Variants in CLVS2 observed in about 807,000 individuals in gnomAD.
CLVS2 encodes clavesin-2.
In CLVS2, 19 loss-of-function variants were observed where a neutral mutation model predicts 29.0. The ratio of observed to expected loss-of-function variants is 0.66; its 90% CI spans 0.46 to 0.96. The LOEUF is 0.96. Among genes scored for constraint, CLVS2 ranks in the 40% least tolerant of loss-of-function variants. CLVS2 has a pLI of 0.00. For synonymous variants in CLVS2, 161 were observed against 151.3 expected (o/e 1.06, Z -0.47); for missense variants, 294 against 404.1 (o/e 0.73, Z 2.34).
rs563274255 is a variant in CLVS2, at chr6:123,072,167, C to G, written c.*8406C>G. 3.3e-5 allele frequency: 5 copies of G among 152,112 alleles called. No individual in the cohort carries two copies. Among genetic ancestry groups the G allele is most frequent in the African/African-American group, 1.2e-4 (5 of 41,530 alleles). 9.4% of individuals were successfully genotyped at this position (152,112 alleles called of 1,614,324 possible). A position where few individuals can be genotyped will look rare whatever the true frequency, so the allele number is the denominator to read the frequency against. On this transcript the variant is annotated 3_prime_UTR_variant, in exon 6 of 6. Coordinates refer to ENST00000275162, the MANE Select transcript of CLVS2 (RefSeq NM_001010852.4). ...TTCAGCTACATTGTTGTGCCTTTCC[C>G]AACACTGTAATAATTTAAGCCTCCT...
intron 4 of CLVS2, among the ~76,000 whole-genome samples, chr6:123,050,968 CTT>C (rs1351665972): frequency 6.6e-6 from 1 of 152,038 alleles, no homozygotes; most frequent in African/African-American, 2.4e-5. Flanking sequence ...GGTATCTAAA[CTT>C]TACCATTTTA....
intron 4 of CLVS2, among the ~76,000 whole-genome samples, chr6:123,049,618 A>G (rs1347811636): frequency 6.6e-6 from 1 of 152,146 alleles, no homozygotes; most frequent in Non-Finnish European, 1.5e-5. Flanking sequence ...TGCTGTTCCC[A>G]GTTTTCGAAT....
At chr6:123,012,445 A>G (rs1413994777) in intron 3 of CLVS2, among the ~76,000 whole-genome samples, 1 of 152,016 alleles carries the variant, frequency 6.6e-6, no homozygotes, top group South Asian at 2.1e-4. Context: ...GAGCTAGGCT[A>G]GGCCTTCAGC....
At chr6:123,007,490 C>A (rs1258515044) in intron 2 of CLVS2, among the ~76,000 whole-genome samples, 1 of 152,092 alleles carries the variant, frequency 6.6e-6, no homozygotes, top group Admixed American at 6.5e-5. Context: ...GAATATATAT[C>A]CTACTGTGCA....
intron 3 of CLVS2, among the ~76,000 whole-genome samples, chr6:123,039,315 G>C (rs191482927): frequency 6.6e-6 from 1 of 152,214 alleles, no homozygotes; most frequent in Non-Finnish European, 1.5e-5. Context: ...CCTTTTTGCT[G>C]TCAGATGACA....
intron 3 of CLVS2, among the ~76,000 whole-genome samples, chr6:123,013,685 G>A (rs1562164465): frequency 1.3e-5 from 2 of 151,620 alleles, no homozygotes; most frequent in East Asian, 3.9e-4. Context: ...TATACTTTAA[G>A]TTTTAGGGTA....
chr6:123,019,657 G>T (rs561595616), intron 3 of CLVS2, among the ~76,000 whole-genome samples: 1 of 152,156 alleles, frequency 6.6e-6, no homozygotes, highest in South Asian at 2.1e-4. Context: ...AATTATTCCT[G>T]TAAATTCTGA....
intron 3 of CLVS2, among the ~76,000 whole-genome samples, chr6:123,015,205 G>T (rs538082988): frequency 6.6e-6 from 1 of 152,038 alleles, no homozygotes; most frequent in African/African-American, 2.4e-5. Context: ...AGGCTGGAAG[G>T]GCAGGCTGAA....
Position 123,072,662 on chromosome 6 carries a change from A to G in CLVS2, c.*8901A>G, listed in dbSNP as rs1370830912. The stretch of plus-strand genomic sequence containing the variant: ...GTATACACAGCACATGAAAGATCCT[A>G]TAGTTCATGTTCTCTTAGGTTGAAT... On this transcript the variant is annotated 3_prime_UTR_variant, in exon 6 of 6. Transcript: ENST00000275162. 6.6e-6 allele frequency: 1 copy of G among 152,104 alleles called. No individual in the cohort carries two copies. Among genetic ancestry groups the G allele is most frequent in the African/African-American group, 2.4e-5 (1 of 41,432 alleles). 9.4% of individuals were successfully genotyped at this position (152,104 alleles called of 1,614,324 possible).
chr6:123,001,869 C>T (rs1449597968), intron 2 of CLVS2, among the ~76,000 whole-genome samples: 2 of 152,104 alleles, frequency 1.3e-5, no homozygotes, highest in Non-Finnish European at 2.9e-5. Context: ...TCCACTGTCA[C>T]ATAATTGTTG....
chr6:123,018,081 C>A (rs1427193394), intron 3 of CLVS2, among the ~76,000 whole-genome samples: 1 of 152,018 alleles, frequency 6.6e-6, no homozygotes, highest in South Asian at 2.1e-4. Flanking sequence ...GAAAATAACA[C>A]TTTTTGGTCT....
chr6:123,038,222 A>G (rs1159635571), intron 3 of CLVS2, among the ~76,000 whole-genome samples: 1 of 151,944 alleles, frequency 6.6e-6, no homozygotes, highest in Non-Finnish European at 1.5e-5. Flanking sequence ...CATCCCTCCA[A>G]CTTTTCAATC....
At chr6:123,014,445 G>C (rs575961345) in intron 3 of CLVS2, among the ~76,000 whole-genome samples, 2 of 151,930 alleles carry the variant, frequency 1.3e-5, no homozygotes, top group South Asian at 4.1e-4. Context: ...TATAGTATAA[G>C]ATCAATTAAG....
Position 123,063,790 on chromosome 6 carries a change from A to G in CLVS2, c.*29A>G, listed in dbSNP as rs1483224587. 1 of 1,447,966 alleles carries G rather than the reference A, an allele frequency of 6.9e-7. No homozygotes were observed. Among genetic ancestry groups the G allele is most frequent in the Non-Finnish European group, 9.7e-7 (1 of 1,030,552 alleles). 89.7% of individuals were successfully genotyped at this position (1,447,966 alleles called of 1,614,324 possible). Reference sequence around the variant, plus strand: ...CTTCTCTACATCCCCTTCATGGATTAGAAATGGAAAGTATTGGTTTTCAGC... The same window carrying G: ...CTTCTCTACATCCCCTTCATGGATTGGAAATGGAAAGTATTGGTTTTCAGC... On this transcript the variant is annotated 3_prime_UTR_variant, in exon 6 of 6. Coordinates refer to ENST00000275162, the MANE Select transcript of CLVS2 (RefSeq NM_001010852.4).
intron 3 of CLVS2, among the ~76,000 whole-genome samples, chr6:123,031,970 A>G (rs1775089420): frequency 1.3e-5 from 2 of 152,126 alleles, no homozygotes; most frequent in African/African-American, 4.8e-5. Context: ...CCAATATCTT[A>G]TAGTTAACTT....
At position 122,998,046 on chromosome 6, in the gene CLVS2, A is replaced by G; in HGVS notation, c.269A>G (p.Lys90Arg). 6.2e-7 allele frequency: 1 copy of G among 1,614,138 alleles called. No individual in the cohort carries two copies. Among genetic ancestry groups the G allele is most frequent in the Non-Finnish European group, 8.5e-7 (1 of 1,180,030 alleles). The change falls in exon 2 of 6, where the codon AAG becomes AGG. Residue 90 changes from lysine (K) to arginine (R), a missense_variant. By Grantham distance (26) the Lys-to-Arg change is conservative. This residue lies in a region of CLVS2 where 212 missense variants were observed against 336.4 expected (regional missense o/e 0.63). Coordinates refer to ENST00000275162, the MANE Select transcript of CLVS2 (RefSeq NM_001010852.4). Reference protein sequence around the residue: ...QQNLDMFKSFKATDPGIKQAL... With the variant: ...QQNLDMFKSFRATDPGIKQAL... The stretch of plus-strand genomic sequence containing the variant: ...AACCTGGACATGTTCAAAAGCTTTA[A>G]GGCCACCGACCCTGGCATCAAGCAG...
At chr6:123,027,730 A>G (rs1775024579) in intron 3 of CLVS2, among the ~76,000 whole-genome samples, 1 of 152,222 alleles carries the variant, frequency 6.6e-6, no homozygotes, top group Admixed American at 6.6e-5. Flanking sequence ...AACTTAAGTG[A>G]AATAAACCAG....
intron 3 of CLVS2, among the ~76,000 whole-genome samples, chr6:123,044,050 G>A (rs762769696): frequency 2.6e-5 from 4 of 152,204 alleles, no homozygotes; most frequent in Non-Finnish European, 5.9e-5. Context: ...AGGCAAGTCA[G>A]TCTTTGCATT....
At chr6:123,047,485 G>T (rs1231666739) in intron 3 of CLVS2, among the ~76,000 whole-genome samples, 1 of 151,974 alleles carries the variant, frequency 6.6e-6, no homozygotes, top group Non-Finnish European at 1.5e-5. Flanking sequence ...ATGAAATTTG[G>T]CAGCTCTGCA....
Sources: gnomAD v4.1 joint callset for allele counts (sites outside exome capture counted in the v4.1 genomes callset) on GRCh38, gnomAD v4.1.1 for gene constraint, gnomAD v4.1.1 regional missense constraint, MANE v1.5 for transcripts, NCBI Gene and HGNC (gene_info 2026-07-23, HGNC 2026-07-21) for gene names.